The following HTRA1 variants were observed in gnomAD, a reference collection of about 807,000 sequenced individuals.
HTRA1 encodes HtrA serine peptidase 1.
HTRA1 carries 26 observed loss-of-function variants against 49.7 expected under a neutral mutation model. The ratio of observed to expected loss-of-function variants is 0.52; its 90% CI spans 0.38 to 0.73. The LOEUF (loss-of-function observed/expected upper bound fraction) is 0.73. Ranked by LOEUF, HTRA1 falls within the 30% of genes least tolerant of loss-of-function variation. The pLI is 0.00. For synonymous variants in HTRA1, 291 were observed against 286.9 expected (o/e 1.01, Z -0.14); for missense variants, 561 against 667.2 (o/e 0.84, Z 1.75).
chr10:122,470,917 G>T (rs2097485827), intron 1 of HTRA1, among the ~76,000 whole-genome samples: 1 of 152,108 alleles, frequency 6.6e-6, no homozygotes, highest in African/African-American at 2.4e-5. Context: ...ATAGCTCTTG[G>T]CCAAAGTGAC....
intron 1 of HTRA1, among the ~76,000 whole-genome samples, chr10:122,463,610 T>C (rs1190377129): frequency 6.6e-6 from 1 of 152,196 alleles, no homozygotes; most frequent in Non-Finnish European, 1.5e-5. Context: ...TCAATGATTC[T>C]CCTGCTTCAG....
chr10:122,503,448 G>A (rs1488585417), intron 3 of HTRA1, among the ~76,000 whole-genome samples: 1 of 152,166 alleles, frequency 6.6e-6, no homozygotes, highest in Non-Finnish European at 1.5e-5. Flanking sequence ...TGGGGAGCTG[G>A]GGCCGTGACC....
chr10:122,461,925 G>A lies in HTRA1; in HGVS notation c.273G>A (p.Val91=). The change falls in exon 1 of 9, where the codon GTG becomes GTA. Residue 91 remains valine (V), a synonymous_variant. Transcript: ENST00000368984. The part of the protein sequence containing the change: ...GPCGEGLQCV[V]PFGVPASATV... ...GCGGCGAGGGGCTGCAGTGCGTGGT[G>A]CCCTTCGGGGTGCCAGCCTCGGCCA... 1 of 1,476,448 alleles carries A rather than the reference G, an allele frequency of 6.8e-7. No homozygotes were observed. Among genetic ancestry groups the A allele is most frequent in the South Asian group, 1.3e-5 (1 of 78,352 alleles). The allele number at this position is 1,476,448 out of a possible 1,614,324, so 91.5% of individuals were successfully genotyped here. A position where few individuals can be genotyped will look rare whatever the true frequency, so the allele number is the denominator to read the frequency against.
intron 3 of HTRA1, among the ~76,000 whole-genome samples, chr10:122,498,595 G>A (rs1415174643): frequency 1.3e-5 from 2 of 152,130 alleles, no homozygotes; most frequent in African/African-American, 4.8e-5. Context: ...TCAGAACCCT[G>A]AATGGAAGCT....
At chr10:122,489,389 A>G (rs751031272) in intron 2 of HTRA1, 33 bp from the exon 3 acceptor site, 1 of 1,593,404 alleles carries the variant, frequency 6.3e-7, no homozygotes, top group Non-Finnish European at 8.6e-7. Context: ...TTAAGGTGCT[A>G]CAGGCTTAAG....
At chr10:122,466,481 T>G (rs1322599335) in intron 1 of HTRA1, among the ~76,000 whole-genome samples, 1 of 152,182 alleles carries the variant, frequency 6.6e-6, no homozygotes, top group African/African-American at 2.4e-5. Context: ...ATGTACTTTA[T>G]TTAGGTGACT....
chr10:122,510,265 G>T, intron 7 of HTRA1, 112 bp downstream of exon 7: 1 of 846,708 alleles, frequency 1.2e-6, no homozygotes, highest in Non-Finnish European at 2.0e-6. Context: ...AGACGTCTCA[G>T]TTTCTGCTTA....
intron 1 of HTRA1, among the ~76,000 whole-genome samples, chr10:122,479,227 G>A (rs1021587736): frequency 6.6e-6 from 1 of 152,324 alleles, no homozygotes; most frequent in East Asian, 1.9e-4. Flanking sequence ...TGATCTCACC[G>A]AGTGTGAAGC....
chr10:122,481,733 C>T (rs953976432), intron 1 of HTRA1, among the ~76,000 whole-genome samples: 9 of 152,152 alleles, frequency 5.9e-5, no homozygotes, highest in African/African-American at 1.9e-4. Flanking sequence ...GGGAGGGACC[C>T]GGTTGGTGGT....
intron 1 of HTRA1, among the ~76,000 whole-genome samples, chr10:122,473,706 A>G (rs749343986): frequency 6.6e-6 from 1 of 152,208 alleles, no homozygotes; most frequent in Non-Finnish European, 1.5e-5. Context: ...CACCGTAAAA[A>G]GAAACCCCGT....
At chr10:122,508,623 G>A (rs746104229) in intron 5 of HTRA1, 33 bp from the exon 6 acceptor site, 15 of 1,360,386 alleles carry the variant, frequency 1.1e-5, no homozygotes, top group African/African-American at 1.4e-5. Flanking sequence ...AAAGCTTCAC[G>A]ATTCAGTAAG....
At chr10:122,481,704 T>C (rs775978142) in intron 1 of HTRA1, among the ~76,000 whole-genome samples, 3 of 152,216 alleles carry the variant, frequency 2.0e-5, no homozygotes, top group Non-Finnish European at 4.4e-5. Context: ...AAATCTCATC[T>C]TGAATTCCCA....
chr10:122,469,553 T>C (rs1347776331), intron 1 of HTRA1, among the ~76,000 whole-genome samples: 1 of 152,154 alleles, frequency 6.6e-6, no homozygotes, highest in Non-Finnish European at 1.5e-5. Context: ...CAGTGGGAAA[T>C]GTCATCAAAC....
chr10:122,505,857 A>T (rs1046716626), intron 3 of HTRA1, among the ~76,000 whole-genome samples: 19 of 152,198 alleles, frequency 1.2e-4, no homozygotes, highest in African/African-American at 4.6e-4. Flanking sequence ...GCCTTCCCTG[A>T]TAGAGCTAGG....
chr10:122,489,050 A>G (rs765165967), intron 2 of HTRA1, 49 bp downstream of exon 2: 1 of 1,285,136 alleles, frequency 7.8e-7, no homozygotes, highest in South Asian at 1.2e-5. Context: ...TTTCACCGCC[A>G]CTAGCAAAAC....
intron 1 of HTRA1, among the ~76,000 whole-genome samples, chr10:122,476,751 C>T (rs1274081059): frequency 2.0e-5 from 3 of 152,054 alleles, no homozygotes; most frequent in Non-Finnish European, 4.4e-5. Context: ...GTAAGGGGAG[C>T]GCTAGAGGGA....
At chr10:122,465,344 A>G (rs1416519110) in intron 1 of HTRA1, among the ~76,000 whole-genome samples, 1 of 152,234 alleles carries the variant, frequency 6.6e-6, no homozygotes, top group Non-Finnish European at 1.5e-5. Flanking sequence ...AATGAGGGCT[A>G]ACATATATGT....
intron 8 of HTRA1, among the ~76,000 whole-genome samples, chr10:122,513,712 C>T (rs1728214804): frequency 6.7e-6 from 1 of 149,654 alleles, no homozygotes; most frequent in South Asian, 2.1e-4. Context: ...TCCAATCTAC[C>T]GATGGTTTAT....
chr10:122,471,689 T>C (rs944866167), intron 1 of HTRA1, among the ~76,000 whole-genome samples: 1 of 152,166 alleles, frequency 6.6e-6, no homozygotes, highest in African/African-American at 2.4e-5. Context: ...GGAACATGAC[T>C]CTCACAAGCT....
Sources: gnomAD v4.1 joint callset for allele counts (sites outside exome capture counted in the v4.1 genomes callset) on GRCh38, gnomAD v4.1.1 for gene constraint, MANE v1.5 for transcripts, NCBI Gene and HGNC (gene_info 2026-07-23, HGNC 2026-07-21) for gene names.